AFF3: variants seen among roughly 807,000 people sequenced by gnomAD.
The protein encoded by AFF3 is AF4/FMR2 family member 3.
Under a neutral mutation model 129.7 loss-of-function variants are expected in AFF3, and 32 were observed. The ratio of observed to expected loss-of-function variants is 0.25; its 90% confidence interval spans 0.19 to 0.33. The LOEUF (loss-of-function observed/expected upper bound fraction) is 0.33, where lower values mean the gene tolerates loss of function less well. Ranked by LOEUF, AFF3 falls within the 10% of genes least tolerant of loss-of-function variation. The pLI, the probability that AFF3 is intolerant of heterozygous loss-of-function variation, is 1.00. For synonymous variants in AFF3, 644 were observed against 635.4 expected (o/e 1.01, Z -0.20); for missense variants, 1,373 against 1,592.0 (o/e 0.86, Z 2.34).
intron 2 of AFF3, among the ~76,000 whole-genome samples, chr2:100,126,259 A>G (rs1185516108): frequency 2.0e-5 from 3 of 152,198 alleles, no homozygotes. Context: ...CGATCAGGAC[A>G]ATTTAGGCAT....
intron 8 of AFF3, 50 bp downstream of exon 8, chr2:99,837,427 T>C (rs1558899850): frequency 6.4e-7 from 1 of 1,554,098 alleles, no homozygotes. Flanking sequence ...CCTTTCTATT[T>C]AGAGTCTATG....
intron 15 of AFF3, among the ~76,000 whole-genome samples, chr2:99,588,720 G>C (rs1678368408): frequency 6.6e-6 from 1 of 152,126 alleles, no homozygotes; most frequent in African/African-American, 2.4e-5. Context: ...CCCATGGAGG[G>C]CCCAAACCAA....
rs141968409 is a variant in AFF3, at chr2:99,937,692, C to T, written c.873+68940G>A. ...GATTACAGGCATAAGCCACCGCGCCCGGCCCTGCATTTGATTTTTAACAGA... is the reference window on the plus strand; with the variant it reads ...GATTACAGGCATAAGCCACCGCGCCTGGCCCTGCATTTGATTTTTAACAGA... On this transcript the variant is annotated intron_variant, in intron 7 of 24. Transcript: ENST00000672756. 3.5e-3 allele frequency among the ~76,000 whole-genome samples: 530 copies of T among 152,254 alleles called. 3 individuals carry two copies. Among genetic ancestry groups the T allele is most frequent in the African/African-American group, 0.012 (490 of 41,556 alleles).
At chr2:100,102,993 G>T (rs971258062) in intron 4 of AFF3, among the ~76,000 whole-genome samples, 9 of 148,134 alleles carry the variant, frequency 6.1e-5, no homozygotes, top group Non-Finnish European at 1.2e-4. Context: ...AGTGCAATAC[G>T]TAAAAGTTTT....
At position 99,834,844 on chromosome 2, in the gene AFF3, G is replaced by A. The variant is rs567401457; in HGVS notation, c.921+2633C>T. On this transcript the variant is annotated intron_variant, in intron 8 of 24. Transcript: ENST00000672756. ...AGAATTTAGATTCTCAATGTTCCTC[G>A]GTCTCCAGTCTCTCTCCAGAAAAAT... Among the ~76,000 whole-genome samples, 82 of 152,022 alleles carry A rather than the reference G, an allele frequency of 5.4e-4. 1 individual carries two copies. The highest frequency in any genetic ancestry group is 5.2e-3 in the Admixed American group (80 of 15,264).
intron 4 of AFF3, among the ~76,000 whole-genome samples, chr2:100,099,587 A>T (rs961402761): frequency 1.3e-5 from 2 of 151,792 alleles, no homozygotes; most frequent in African/African-American, 4.8e-5. Flanking sequence ...TCCAGGACCC[A>T]TTTCAAATGC....
intron 7 of AFF3, among the ~76,000 whole-genome samples, chr2:99,896,655 A>C (rs985871127): frequency 7.8e-5 from 2 of 25,764 alleles, no homozygotes; most frequent in African/African-American, 2.2e-4. Flanking sequence ...TTTTTTTTGG[A>C]GACGGAGTCT....
intron 7 of AFF3, among the ~76,000 whole-genome samples, chr2:99,994,264 C>T (rs571140920): frequency 3.3e-5 from 5 of 152,170 alleles, no homozygotes; most frequent in African/African-American, 9.6e-5. Flanking sequence ...ATAGAAAGAA[C>T]GAATGATCTA....
chr2:100,027,775 T>C (rs1401056778), intron 4 of AFF3, among the ~76,000 whole-genome samples: 1 of 152,172 alleles, frequency 6.6e-6, no homozygotes, highest in Non-Finnish European at 1.5e-5. Flanking sequence ...AATATTTACA[T>C]TTTAAGCAGT....
In AFF3 at chr2:99,668,487, A is replaced by G. The variant is rs184982053; in HGVS notation, c.1143+4051T>C. 2.6e-5 allele frequency among the ~76,000 whole-genome samples: 4 copies of G among 151,810 alleles called. No individual in the cohort carries two copies. In the East Asian group the frequency reaches 5.9e-4, roughly 22 times the overall value. On this transcript the variant is annotated intron_variant, in intron 12 of 24. Coordinates refer to ENST00000672756, the MANE Select transcript of AFF3 (RefSeq NM_001386135.1). ...ACCCCGCCGGGAAATAGAATTTTTA[A>G]GTTTAAAAATCTCCAGGCCCATATG...
intron 13 of AFF3, among the ~76,000 whole-genome samples, chr2:99,639,314 C>T (rs114464146): frequency 1.3e-5 from 2 of 152,160 alleles, no homozygotes; most frequent in African/African-American, 2.4e-5. Flanking sequence ...GACCCGACAG[C>T]CTGCGTTTGT....
chr2:99,589,379 C>A (rs1170938191), intron 15 of AFF3, among the ~76,000 whole-genome samples: 1 of 151,210 alleles, frequency 6.6e-6, no homozygotes, highest in Non-Finnish European at 1.5e-5. Context: ...CTGACAACAC[C>A]CCTGCAAAGA....
chr2:99,968,008 A>C (rs1455268139), intron 7 of AFF3, among the ~76,000 whole-genome samples: 3 of 152,206 alleles, frequency 2.0e-5, no homozygotes, highest in African/African-American at 7.2e-5. Flanking sequence ...TAAAGAACAA[A>C]GCCCCAAAAC....
intron 4 of AFF3, among the ~76,000 whole-genome samples, chr2:100,086,503 G>C (rs1032478934): frequency 3.9e-5 from 6 of 152,196 alleles, no homozygotes; most frequent in African/African-American, 1.2e-4. Context: ...CCTGGTGACA[G>C]AGTGAGACTC....
At chr2:100,115,548 A>C (rs1487890125) in intron 2 of AFF3, among the ~76,000 whole-genome samples, 1 of 152,140 alleles carries the variant, frequency 6.6e-6, no homozygotes, top group African/African-American at 2.4e-5. Flanking sequence ...ACAGAGGGAG[A>C]CGCTGTCTCA....
intron 13 of AFF3, among the ~76,000 whole-genome samples, chr2:99,628,173 T>C (rs2105363699): frequency 6.6e-6 from 1 of 152,356 alleles, no homozygotes; most frequent in Admixed American, 6.5e-5. Flanking sequence ...GCCATTTTCA[T>C]GACATTGATT....
intron 7 of AFF3, among the ~76,000 whole-genome samples, chr2:99,989,118 AGAG>A (rs1680122547): frequency 6.6e-6 from 1 of 152,252 alleles, no homozygotes; most frequent in Non-Finnish European, 1.5e-5. Flanking sequence ...ACAGAATTAC[AGAG>A]GAGAAGCCTG....
At chr2:99,860,614 G>A (rs1690914381) in intron 7 of AFF3, among the ~76,000 whole-genome samples, 3 of 151,994 alleles carry the variant, frequency 2.0e-5, no homozygotes, top group Non-Finnish European at 4.4e-5. Context: ...TGTAATCCTA[G>A]CTACTCAGGA....
intron 8 of AFF3, among the ~76,000 whole-genome samples, chr2:99,826,513 T>G (rs1301210146): frequency 2.0e-5 from 3 of 151,698 alleles, no homozygotes; most frequent in Admixed American, 6.6e-5. Flanking sequence ...CTGGAGGGAG[T>G]GACATCTCTA....
Sources: allele counts gnomAD v4.1 joint callset (sites outside exome capture counted in the v4.1 genomes callset), GRCh38; gene constraint gnomAD v4.1.1; transcripts MANE v1.5; gene names NCBI Gene and HGNC (gene_info 2026-07-23, HGNC 2026-07-21).